The following GRIA1 variants were observed in gnomAD, a reference collection of about 807,000 sequenced individuals.
GRIA1 encodes glutamate receptor 1.
Under a neutral mutation model 99.2 loss-of-function variants are expected in GRIA1, and 31 were observed. The observed-to-expected ratio is 0.31, with a 90% CI of 0.23 to 0.42. The LOEUF is 0.42. GRIA1 is among the 10% of genes least tolerant of loss of function. The pLI is 1.00. For missense variants in GRIA1, 782 were observed against 1,157.5 expected (o/e 0.68, Z 4.71); for synonymous variants, 438 against 432.4 (o/e 1.01, Z -0.16).
At chr5:153,598,606 C>A (rs1265451369) in intron 2 of GRIA1, among the ~76,000 whole-genome samples, 1 of 152,150 alleles carries the variant, frequency 6.6e-6, no homozygotes, top group Admixed American at 6.5e-5. Context: ...GACAATCTTA[C>A]TTATTAGCCT....
intron 2 of GRIA1, among the ~76,000 whole-genome samples, chr5:153,524,873 A>G (rs1401773616): frequency 2.0e-5 from 3 of 152,230 alleles, no homozygotes; most frequent in African/African-American, 7.2e-5. Flanking sequence ...AAATATTGCT[A>G]CTGAAAGTCA....
At chr5:153,579,981 T>C (rs1762908587) in intron 2 of GRIA1, among the ~76,000 whole-genome samples, 1 of 152,106 alleles carries the variant, frequency 6.6e-6, no homozygotes, top group Admixed American at 6.5e-5. Flanking sequence ...ATTTGATCCA[T>C]GTAGCCTAGC....
intron 11 of GRIA1, among the ~76,000 whole-genome samples, chr5:153,732,936 T>TTTTTTTTTTTTTTTTG (rs1761144329): frequency 6.6e-6 from 1 of 150,678 alleles, no homozygotes; most frequent in Non-Finnish European, 1.5e-5. Context: ...TTTTTTTTTT[T>TTTTTTTTTTTTTTTTG]TTTCTTTGCA....
At chr5:153,599,649 T>C (rs1247494951) in intron 2 of GRIA1, among the ~76,000 whole-genome samples, 2 of 152,234 alleles carry the variant, frequency 1.3e-5, no homozygotes, top group Non-Finnish European at 2.9e-5. Flanking sequence ...ATTTTCAATC[T>C]GCAGTTGTGA....
At chr5:153,696,541 G>A (rs2149510396) in intron 8 of GRIA1, among the ~76,000 whole-genome samples, 1 of 152,306 alleles carries the variant, frequency 6.6e-6, no homozygotes, top group East Asian at 1.9e-4. Context: ...ATTAGTGCTG[G>A]CAATTATTGT....
chr5:153,629,631 C>A (rs979997035), intron 2 of GRIA1, among the ~76,000 whole-genome samples: 2 of 152,220 alleles, frequency 1.3e-5, no homozygotes, highest in Non-Finnish European at 2.9e-5. Context: ...CATGCACACA[C>A]GCATTTATGC....
At chr5:153,730,888 A>G (rs1247700270) in intron 11 of GRIA1, among the ~76,000 whole-genome samples, 1 of 152,084 alleles carries the variant, frequency 6.6e-6, no homozygotes, top group Non-Finnish European at 1.5e-5. Flanking sequence ...GATTAAGCCA[A>G]GTGAGCCAAA....
chr5:153,764,485 C>A lies in GRIA1; in HGVS notation c.1875C>A (p.Ile625=). The A allele has an allele frequency of 6.2e-7, 1 of 1,614,006 alleles. No individual in the cohort carries two copies. The highest frequency in any genetic ancestry group is 1.1e-5 in the South Asian group (1 of 91,064). The change falls in exon 12 of 16, where the codon ATC becomes ATA. Residue 625 remains isoleucine (I), a synonymous_variant. Transcript: ENST00000285900. ...GCGTCTGGTGGTTCTTCACCTTAAT[C>A]ATCATCTCCTCATATACAGCCAATC... is the stretch of plus-strand genomic sequence containing the variant. ...VGGVWWFFTL[I]IISSYTANLA... is the part of the protein sequence containing the mutation.
intron 5 of GRIA1, among the ~76,000 whole-genome samples, chr5:153,662,959 G>A (rs543185781): frequency 3.3e-5 from 5 of 152,080 alleles, no homozygotes; most frequent in South Asian, 4.2e-4. Context: ...TCCCTCTCCC[G>A]CTCTGCTCTC....
intron 8 of GRIA1, among the ~76,000 whole-genome samples, 157 bp from the exon 9 acceptor site, chr5:153,697,887 C>A (rs929669246): frequency 6.6e-6 from 1 of 152,156 alleles, no homozygotes; most frequent in African/African-American, 2.4e-5. Context: ...CACTGTGCTT[C>A]TTATTATTTC....
At chr5:153,583,165 T>TGAGG in intron 2 of GRIA1, among the ~76,000 whole-genome samples, 1 of 146,050 alleles carries the variant, frequency 6.8e-6, no homozygotes. Context: ...ACTCCTGGGC[T>TGAGG]CAAGTGATCC....
In GRIA1 at chr5:153,499,613, C is replaced by CAAAAAAAAAAAAA. The variant is rs70976100; in HGVS notation, c.220+5563_220+5575dup. ...CTGGCAACAGAGCGAGAATTTGTCT[C>CAAAAAAAAAAAAA]AAAAAAAAAAAAAAAAAAAAAAAAA... On this transcript the variant is annotated intron_variant, in intron 2 of 15. Transcript: ENST00000285900. Among the ~76,000 whole-genome samples, 8 of 42,116 alleles carry CAAAAAAAAAAAAA rather than the reference C, an allele frequency of 1.9e-4. 1 individual carries two copies. Among genetic ancestry groups the CAAAAAAAAAAAAA allele is most frequent in the African/African-American group, 7.4e-4 (8 of 10,782 alleles). The allele number at this position is 42,116 out of a possible 152,430, so 27.6% of individuals were successfully genotyped here. A position where few individuals can be genotyped will look rare whatever the true frequency, so the allele number is the denominator to read the frequency against.
chr5:153,770,010 T>C (rs1763766595), intron 12 of GRIA1, among the ~76,000 whole-genome samples, 158 bp from the exon 13 acceptor site: 1 of 152,194 alleles, frequency 6.6e-6, no homozygotes, highest in Non-Finnish European at 1.5e-5. Flanking sequence ...CTGGTACTAA[T>C]TAGAGCCTCT....
intron 2 of GRIA1, among the ~76,000 whole-genome samples, chr5:153,631,084 G>A (rs1482759663): frequency 6.6e-6 from 1 of 152,184 alleles, no homozygotes; most frequent in African/African-American, 2.4e-5. Context: ...GACATTGATT[G>A]AACCTCTCAA....
At chr5:153,776,232 A>G (rs887467856) in intron 13 of GRIA1, among the ~76,000 whole-genome samples, 1 of 152,186 alleles carries the variant, frequency 6.6e-6, no homozygotes, top group South Asian at 2.1e-4. Context: ...GGATGCAGAC[A>G]CTTGGGAGAA....
chr5:153,513,393 C>T (rs538365712), intron 2 of GRIA1, among the ~76,000 whole-genome samples: 14 of 152,192 alleles, frequency 9.2e-5, no homozygotes, highest in Admixed American at 2.0e-4. Context: ...ACTCTGAATT[C>T]CCCCGCCAAC....
intron 11 of GRIA1, among the ~76,000 whole-genome samples, chr5:153,713,212 G>A (rs1759444036): frequency 1.3e-5 from 2 of 152,224 alleles, no homozygotes; most frequent in South Asian, 4.1e-4. Flanking sequence ...TTCAAAGCAG[G>A]GGCCTGGCTG....
At chr5:153,779,796 A>G (rs1297356081) in intron 13 of GRIA1, among the ~76,000 whole-genome samples, 1 of 152,126 alleles carries the variant, frequency 6.6e-6, no homozygotes, top group African/African-American at 2.4e-5. Context: ...TCCTGACTTC[A>G]TGATCCATCC....
chr5:153,813,536 G>T lies in GRIA1; in HGVS notation c.*2311G>T, dbSNP rs1766969263. On this transcript the variant is annotated 3_prime_UTR_variant, in exon 16 of 16. Transcript: ENST00000285900. Reference sequence around the variant, plus strand: ...AGAAATGAAAGGAAAACACAAGCAAGAAAAAAGTTAACTTGTATTATGTAT... The same window carrying T: ...AGAAATGAAAGGAAAACACAAGCAATAAAAAAGTTAACTTGTATTATGTAT... 6.6e-6 allele frequency: 1 copy of T among 152,100 alleles called. No homozygotes were observed. The highest frequency in any genetic ancestry group is 1.9e-4 in the East Asian group (1 of 5,192). The allele number at this position is 152,100 out of a possible 1,614,324, so 9.4% of individuals were successfully genotyped here.
Sources: allele counts gnomAD v4.1 joint callset (sites outside exome capture counted in the v4.1 genomes callset), GRCh38; gene constraint gnomAD v4.1.1; transcripts MANE v1.5; gene names NCBI Gene and HGNC (gene_info 2026-07-23, HGNC 2026-07-21).